The following ANKRD33B variants were observed in gnomAD, a reference collection of about 807,000 sequenced individuals.
ANKRD33B encodes ankyrin repeat domain-containing protein 33B.
ANKRD33B carries 6 observed loss-of-function variants against 21.5 expected under a neutral mutation model. The ratio of observed to expected loss-of-function variants is 0.28; its 90% CI spans 0.15 to 0.55. ANKRD33B has a LOEUF of 0.55. Among genes scored for constraint, ANKRD33B ranks in the 20% least tolerant of loss-of-function variants. The pLI is 0.94. For synonymous variants in ANKRD33B, 347 were observed against 342.4 expected (o/e 1.01, Z -0.15); for missense variants, 698 against 747.2 (o/e 0.93, Z 0.77).
At position 10,605,776 on chromosome 5, in the gene ANKRD33B, GC is replaced by G. The variant is rs1736034951; in HGVS notation, c.367-12555del. ...ACATCTGACCTCAGGTGATCCGCCT[GC>G]CTCAACCTCCCAAACTGCTGGGATT... On this transcript the variant is annotated intron_variant, in intron 1 of 3. Transcript: ENST00000296657. 2.0e-5 allele frequency among the ~76,000 whole-genome samples: 3 copies of G among 152,166 alleles called. No individual in the cohort carries two copies. The South Asian group carries it at 6.2e-4, about 31-fold the overall frequency.
chr5:10,638,993 G>A (rs1323317995), intron 3 of ANKRD33B, among the ~76,000 whole-genome samples: 1 of 77,956 alleles, frequency 1.3e-5, no homozygotes, highest in African/African-American at 5.5e-5. Context: ...ACGCGGAGTT[G>A]CGCGGCGATG....
intron 1 of ANKRD33B, among the ~76,000 whole-genome samples, chr5:10,565,776 C>T (rs1735035094): frequency 1.3e-5 from 2 of 152,256 alleles, no homozygotes; most frequent in African/African-American, 4.8e-5. Flanking sequence ...GTAGTCTGTG[C>T]TCAGTGGGCA....
At chr5:10,645,239 G>T (rs1416846608) in intron 3 of ANKRD33B, among the ~76,000 whole-genome samples, 6 of 152,132 alleles carry the variant, frequency 3.9e-5, no homozygotes, top group Admixed American at 2.0e-4. Flanking sequence ...GTCCACAGTG[G>T]TCTCCTGTGG....
chr5:10,627,789 C>T (rs2126590732), intron 2 of ANKRD33B: 1 of 152,298 alleles, frequency 6.6e-6, no homozygotes, highest in East Asian at 1.9e-4. Context: ...GTCTCGGTTT[C>T]CCAGCGTTGC....
Position 10,619,392 on chromosome 5 carries a change from G to T in ANKRD33B, c.496+930G>T, listed in dbSNP as rs1344095274. ...CCCGACCACACTGTATGTTGATTCT[G>T]GTTGGGAAATGGCTGTTGCTGTCAC... On this transcript the variant is annotated intron_variant, in intron 2 of 3. Transcript: ENST00000296657. The surrounding 1 kb of genome is among the most constrained non-coding windows in gnomAD (Gnocchi z 4.5). 3.0e-6 allele frequency: 3 copies of T among 985,324 alleles called. No individual in the cohort carries two copies. Among genetic ancestry groups the T allele is most frequent in the Non-Finnish European group, 3.6e-6 (3 of 829,856 alleles). 61.0% of individuals were successfully genotyped at this position (985,324 alleles called of 1,614,324 possible). A position where few individuals can be genotyped will look rare whatever the true frequency, so the allele number is the denominator to read the frequency against.
At chr5:10,590,141 T>C (rs1312790968) in intron 1 of ANKRD33B, among the ~76,000 whole-genome samples, 1 of 152,222 alleles carries the variant, frequency 6.6e-6, no homozygotes, top group East Asian at 1.9e-4. Flanking sequence ...CATTATTTGC[T>C]TTTACATATT....
chr5:10,641,744 A>G (rs75569145), intron 3 of ANKRD33B, among the ~76,000 whole-genome samples: 20,334 of 152,162 alleles, frequency 0.13, 1,497 homozygotes, highest in Non-Finnish European at 0.16. Context: ...ATGCTATAAT[A>G]AAAATAAGTT....
intron 1 of ANKRD33B, among the ~76,000 whole-genome samples, chr5:10,583,229 C>T (rs866566855): frequency 2.6e-5 from 4 of 152,246 alleles, no homozygotes; most frequent in South Asian, 2.1e-4. Flanking sequence ...GAACTCCTGA[C>T]CTCAGGTGAT....
At chr5:10,607,796 G>A (rs1285386693) in intron 1 of ANKRD33B, among the ~76,000 whole-genome samples, 1 of 152,198 alleles carries the variant, frequency 6.6e-6, no homozygotes, top group African/African-American at 2.4e-5. Context: ...TGAGCTTCCA[G>A]CTGCTTGTTT....
intron 2 of ANKRD33B, among the ~76,000 whole-genome samples, chr5:10,626,281 C>T (rs1455097168): frequency 6.6e-6 from 1 of 152,238 alleles, no homozygotes; most frequent in East Asian, 1.9e-4. Context: ...CAGACACACT[C>T]TTAGAACAGA....
At chr5:10,612,658 G>A (rs1248484042) in intron 1 of ANKRD33B, among the ~76,000 whole-genome samples, 4 of 152,224 alleles carry the variant, frequency 2.6e-5, no homozygotes, top group Non-Finnish European at 2.9e-5. Context: ...TCTCTCTTGC[G>A]CCGTTGCAGC....
At chr5:10,569,725 C>T (rs926374219) in intron 1 of ANKRD33B, among the ~76,000 whole-genome samples, 1 of 152,098 alleles carries the variant, frequency 6.6e-6, no homozygotes, top group African/African-American at 2.4e-5. Context: ...ACCGGGAGTC[C>T]GAGGGGCTGG....
intron 3 of ANKRD33B, among the ~76,000 whole-genome samples, chr5:10,643,403 C>T (rs1579758186): frequency 6.6e-6 from 1 of 152,034 alleles, no homozygotes; most frequent in Non-Finnish European, 1.5e-5. Context: ...AAAATTGCTT[C>T]CCATCGAGAA....
chr5:10,583,959 A>G (rs547087700), intron 1 of ANKRD33B, among the ~76,000 whole-genome samples: 2 of 152,338 alleles, frequency 1.3e-5, no homozygotes, highest in Admixed American at 1.3e-4. Flanking sequence ...CCCAGGAGGC[A>G]TGAAATATCC....
intron 2 of ANKRD33B, among the ~76,000 whole-genome samples, chr5:10,622,331 G>GT (rs1019252211): frequency 7.3e-5 from 11 of 151,600 alleles, no homozygotes; most frequent in Non-Finnish European, 7.4e-5. Context: ...GCTATGAACA[G>GT]TTTTTTTTTA....
At chr5:10,647,110 T>C (rs1214151205) in intron 3 of ANKRD33B, among the ~76,000 whole-genome samples, 1 of 137,454 alleles carries the variant, frequency 7.3e-6, no homozygotes, top group African/African-American at 2.7e-5. Context: ...TCCTCAATGA[T>C]TTTTTTTTTT....
chr5:10,582,165 C>G (rs912446599), intron 1 of ANKRD33B, among the ~76,000 whole-genome samples: 1 of 152,362 alleles, frequency 6.6e-6, no homozygotes, highest in African/African-American at 2.4e-5. Flanking sequence ...TACAGCCTGT[C>G]CAGTTCACAG....
chr5:10,607,028 G>C (rs1031664738), intron 1 of ANKRD33B, among the ~76,000 whole-genome samples: 2 of 151,994 alleles, frequency 1.3e-5, no homozygotes, highest in African/African-American at 4.8e-5. Context: ...ACCACGCCCA[G>C]CCCATTTTAT....
At chr5:10,627,972 C>T (rs1162973294) in intron 2 of ANKRD33B, 4 of 152,294 alleles carry the variant, frequency 2.6e-5, no homozygotes, top group Admixed American at 2.6e-4. Context: ...CCCCTACTAA[C>T]CCTGCCCCTC....
Sources: allele counts gnomAD v4.1 joint callset (sites outside exome capture counted in the v4.1 genomes callset), GRCh38; gene constraint gnomAD v4.1.1; non-coding constraint Gnocchi (gnomAD v3.1); transcripts MANE v1.5; gene names NCBI Gene and HGNC (gene_info 2026-07-23, HGNC 2026-07-21).